The following FER variants were observed in gnomAD, a reference collection of about 807,000 sequenced individuals.
The protein encoded by FER is tyrosine-protein kinase Fer.
FER carries 63 observed loss-of-function variants against 111.0 expected under a neutral mutation model. The observed-to-expected ratio is 0.57, with a 90% CI of 0.46 to 0.70. The LOEUF (loss-of-function observed/expected upper bound fraction) is 0.70, where lower values mean the gene tolerates loss of function less well. Among genes scored for constraint, FER ranks in the 30% least tolerant of loss-of-function variants. The pLI, the probability that FER is intolerant of heterozygous loss-of-function variation, is 0.00. For synonymous variants in FER, 327 were observed against 313.9 expected (o/e 1.04, Z -0.44); for missense variants, 914 against 954.0 (o/e 0.96, Z 0.55).
chr5:108,845,028 A>G (rs1371259670), intron 5 of FER, among the ~76,000 whole-genome samples: 16 of 55,004 alleles, frequency 2.9e-4, no homozygotes, highest in South Asian at 1.2e-3. Flanking sequence ...ATATATATAT[A>G]TATATATATA....
chr5:108,790,026 T>TA (rs1755170851), intron 2 of FER, among the ~76,000 whole-genome samples: 1 of 152,168 alleles, frequency 6.6e-6, no homozygotes, highest in Non-Finnish European at 1.5e-5. Context: ...CAGTTTTTTT[T>TA]AAAAAATGTA....
At chr5:108,836,944 G>C (rs1312108581) in intron 5 of FER, among the ~76,000 whole-genome samples, 2 of 152,022 alleles carry the variant, frequency 1.3e-5, no homozygotes, top group African/African-American at 2.4e-5. Flanking sequence ...TAGGGAAGTT[G>C]TATGCATATT....
At chr5:109,085,472 ATTTTT>A (rs1280609771) in intron 16 of FER, among the ~76,000 whole-genome samples, 1 of 141,932 alleles carries the variant, frequency 7.0e-6, no homozygotes, top group South Asian at 2.2e-4. Flanking sequence ...TTTTTTGTAG[ATTTTT>A]TTTCTTATTT....
At chr5:108,858,766 A>ATTTT (rs75243334) in intron 5 of FER, among the ~76,000 whole-genome samples, 14 of 124,710 alleles carry the variant, frequency 1.1e-4, no homozygotes, top group East Asian at 2.5e-4. Flanking sequence ...CAGTTTTTTC[A>ATTTT]TTTTTTTTTT....
intron 10 of FER, among the ~76,000 whole-genome samples, chr5:108,901,747 T>C (rs1251481299): frequency 6.6e-6 from 1 of 152,046 alleles, no homozygotes; most frequent in Non-Finnish European, 1.5e-5. Context: ...AGTTCAGGAG[T>C]TTGAGACCAG....
chr5:109,119,501 G>A (rs1192526611), intron 17 of FER, among the ~76,000 whole-genome samples: 2 of 152,204 alleles, frequency 1.3e-5, no homozygotes, highest in Non-Finnish European at 2.9e-5. Context: ...TTGGGGTGGA[G>A]AGTTCTGTAG....
intron 10 of FER, among the ~76,000 whole-genome samples, chr5:108,937,371 G>C (rs1349208784): frequency 1.3e-5 from 2 of 151,964 alleles, no homozygotes; most frequent in African/African-American, 4.8e-5. Context: ...TCTACCTCTT[G>C]CGACATCTAA....
chr5:109,091,263 G>A (rs1471976600), intron 16 of FER, among the ~76,000 whole-genome samples: 1 of 152,160 alleles, frequency 6.6e-6, no homozygotes, highest in Non-Finnish European at 1.5e-5. Context: ...GACCTTGGAG[G>A]GTGTTTTCCA....
At chr5:109,185,636 G>A (rs1414763550) in intron 18 of FER, among the ~76,000 whole-genome samples, 1 of 151,976 alleles carries the variant, frequency 6.6e-6, no homozygotes, top group Non-Finnish European at 1.5e-5. Context: ...TATTCTTGGG[G>A]GGAGGGAGAG....
At chr5:108,906,744 T>C (rs1414609943) in intron 10 of FER, among the ~76,000 whole-genome samples, 1 of 152,020 alleles carries the variant, frequency 6.6e-6, no homozygotes, top group South Asian at 2.1e-4. Context: ...TATCTTAAGA[T>C]TATTCATTAC....
chr5:108,943,931 A>G (rs1756617226), intron 10 of FER, among the ~76,000 whole-genome samples: 1 of 152,014 alleles, frequency 6.6e-6, no homozygotes, highest in Non-Finnish European at 1.5e-5. Context: ...ATGGGGTCTC[A>G]CTGTGTTGCC....
intron 14 of FER, among the ~76,000 whole-genome samples, chr5:109,043,304 CTGACAATTG>C (rs916122206): frequency 2.2e-4 from 33 of 152,244 alleles, no homozygotes; most frequent in African/African-American, 7.7e-4. Context: ...AATAAATAAT[CTGACAATTG>C]TGGGTAAAAG....
chr5:109,003,555 AT>A, intron 13 of FER, among the ~76,000 whole-genome samples: 2 of 152,208 alleles, frequency 1.3e-5, no homozygotes, highest in Non-Finnish European at 2.9e-5. Flanking sequence ...AGCATGGCAC[AT>A]GTATACATAT....
At chr5:108,850,575 C>CT (rs936716793) in intron 5 of FER, among the ~76,000 whole-genome samples, 1 of 151,894 alleles carries the variant, frequency 6.6e-6, no homozygotes, top group African/African-American at 2.4e-5. Context: ...TGTGTTATCT[C>CT]TTTTTTTAAG....
intron 13 of FER, among the ~76,000 whole-genome samples, chr5:109,000,256 A>C (rs1764557633): frequency 6.6e-6 from 1 of 151,940 alleles, no homozygotes; most frequent in African/African-American, 2.4e-5. Context: ...AAGCATCATA[A>C]ACAGAATTTT....
intron 13 of FER, among the ~76,000 whole-genome samples, chr5:108,969,457 G>A (rs1193553246): frequency 6.6e-6 from 1 of 152,054 alleles, no homozygotes; most frequent in East Asian, 1.9e-4. Context: ...AAAAGGGTAG[G>A]AGTATGATTA....
At chr5:108,843,346 C>G (rs1761472546) in intron 5 of FER, among the ~76,000 whole-genome samples, 1 of 152,078 alleles carries the variant, frequency 6.6e-6, no homozygotes, top group Non-Finnish European at 1.5e-5. Flanking sequence ...ATTGGGGCAA[C>G]TATTTCAATA....
At chr5:109,013,115 C>T (rs1719520349) in intron 13 of FER, among the ~76,000 whole-genome samples, 1 of 150,218 alleles carries the variant, frequency 6.7e-6, no homozygotes, top group South Asian at 2.1e-4. Flanking sequence ...TTTTAGGGTA[C>T]ATGTGCACAA....
intron 17 of FER, among the ~76,000 whole-genome samples, chr5:109,120,206 A>G (rs1161420723): frequency 2.6e-5 from 4 of 152,054 alleles, no homozygotes; most frequent in Admixed American, 2.0e-4. Flanking sequence ...AGTTTCCCCA[A>G]TGTTTTCTTT....
Sources: allele counts gnomAD v4.1 joint callset (sites outside exome capture counted in the v4.1 genomes callset), GRCh38; gene constraint gnomAD v4.1.1; transcripts MANE v1.5; gene names NCBI Gene and HGNC (gene_info 2026-07-23, HGNC 2026-07-21).